Variants in IGF1R observed in about 807,000 individuals in gnomAD.
IGF1R encodes the protein insulin-like growth factor 1 receptor.
Under a neutral mutation model 144.6 loss-of-function variants are expected in IGF1R, and 44 were observed. The ratio of observed to expected loss-of-function variants is 0.30; its 90% CI spans 0.24 to 0.39. The LOEUF (loss-of-function observed/expected upper bound fraction) is 0.39. Ranked by LOEUF, IGF1R falls within the 10% of genes least tolerant of loss-of-function variation. The pLI is 1.00. For missense variants in IGF1R, 1,355 were observed against 1,833.7 expected, an observed-to-expected ratio of 0.74 and a Z score of 4.77; for synonymous variants, 795 against 722.8, an observed-to-expected ratio of 1.10 and a Z score of -1.60.
In IGF1R at chr15:98,960,842, A is replaced by G. The variant is rs913944691; in HGVS notation, c.*3400A>G. The G allele has an allele frequency of 4.4e-6, 1 of 225,434 alleles. No individual in the cohort carries two copies. Among genetic ancestry groups the G allele is most frequent in the African/African-American group, 2.2e-5 (1 of 44,968 alleles). The allele number at this position is 225,434 out of a possible 1,614,324, so 14.0% of individuals were successfully genotyped here. On this transcript the variant is annotated 3_prime_UTR_variant, in exon 21 of 21. Coordinates refer to ENST00000650285, the MANE Select transcript of IGF1R (RefSeq NM_000875.5). ...CTCACCTCCTTCCCTAGGGGTAGAC[A>G]GAGATGTACCAAACCTTCCGGCTGG... is the stretch of plus-strand genomic sequence containing the variant.
intron 3 of IGF1R, among the ~76,000 whole-genome samples, chr15:98,895,872 A>C (rs1199211636): frequency 6.6e-6 from 1 of 152,188 alleles, no homozygotes; most frequent in Non-Finnish European, 1.5e-5. Context: ...ACATCGCATA[A>C]GTTCGTATTA....
chr15:98,734,942 C>G (rs760137565), intron 2 of IGF1R, among the ~76,000 whole-genome samples: 2 of 152,172 alleles, frequency 1.3e-5, no homozygotes, highest in Non-Finnish European at 2.9e-5. Context: ...AGGACTCTAT[C>G]ACTCTACTTT....
chr15:98,897,379 C>T (rs2014252404), intron 4 of IGF1R: 1 of 180,306 alleles, frequency 5.5e-6, no homozygotes, highest in African/African-American at 2.4e-5. Flanking sequence ...TGCTAGATTT[C>T]CAAATTTACT....
At chr15:98,776,395 A>G (rs2141382319) in intron 2 of IGF1R, among the ~76,000 whole-genome samples, 1 of 152,212 alleles carries the variant, frequency 6.6e-6, no homozygotes, top group East Asian at 1.9e-4. Flanking sequence ...CATGTTGGCC[A>G]GACTGGTCTT....
At chr15:98,863,086 C>A (rs2012245858) in intron 2 of IGF1R, among the ~76,000 whole-genome samples, 3 of 152,164 alleles carry the variant, frequency 2.0e-5, no homozygotes, top group Admixed American at 6.5e-5. Flanking sequence ...GGGACGTTTT[C>A]CTGGGTTTTC....
chr15:98,726,913 G>A (rs2054375776), intron 2 of IGF1R, among the ~76,000 whole-genome samples: 1 of 151,674 alleles, frequency 6.6e-6, no homozygotes, highest in Non-Finnish European at 1.5e-5. Context: ...TAGAGATGGG[G>A]TTTCACCATG....
rs141930766 is a variant in IGF1R, at chr15:98,962,204, G to A, written c.*4762G>A. On this transcript the variant is annotated 3_prime_UTR_variant, in exon 21 of 21. Coordinates refer to ENST00000650285, the MANE Select transcript of IGF1R (RefSeq NM_000875.5). Reference sequence around the variant, plus strand: ...TTGGCTCCTTCCAGGGTGGCCAGACGGTGTTGGCCACTCCCTTCTAAAACA... The same window carrying A: ...TTGGCTCCTTCCAGGGTGGCCAGACAGTGTTGGCCACTCCCTTCTAAAACA... The A allele has an allele frequency of 1.2e-3, 273 of 233,342 alleles. No homozygotes were observed. Among genetic ancestry groups the A allele is most frequent in the African/African-American group, 5.8e-3 (262 of 45,476 alleles). The allele number at this position is 233,342 out of a possible 1,614,324, so 14.5% of individuals were successfully genotyped here. A position where few individuals can be genotyped will look rare whatever the true frequency, so the allele number is the denominator to read the frequency against.
Position 98,934,297 on chromosome 15 carries a change from C to G in IGF1R, c.2957-527C>G, listed in dbSNP as rs949758293. 3.9e-5 allele frequency among the ~76,000 whole-genome samples: 6 copies of G among 152,226 alleles called. No homozygotes were observed. In the South Asian group the frequency reaches 8.3e-4, roughly 21 times the overall value. On this transcript the variant is annotated intron_variant, in intron 15 of 20. Coordinates refer to ENST00000650285, the MANE Select transcript of IGF1R (RefSeq NM_000875.5). ...GATTCATCCAAGAAGTAGGACCTTA[C>G]GTGCACCATCATCACCTCTCATATG...
In IGF1R at chr15:98,899,544, C is replaced by T. The variant is rs1220556938; in HGVS notation, c.1170C>T (p.Ile390=). 2 of 1,614,122 alleles carry T rather than the reference C, an allele frequency of 1.2e-6. No individual in the cohort carries two copies. The highest frequency in any genetic ancestry group is 1.1e-5 in the South Asian group (1 of 91,080). ...AGGTGGTGACGGGCTACGTGAAGAT[C>T]CGCCATTCTCATGCCTTGGTCTCCT... ...LIEVVTGYVK[I]RHSHALVSLS... The change falls in exon 5 of 21, where the codon ATC becomes ATT. Residue 390 remains isoleucine (I), a synonymous_variant. Transcript: ENST00000650285.
Position 98,957,022 on chromosome 15 carries a change from C to G in IGF1R, c.3723-39C>G, listed in dbSNP as rs45492894. On this transcript the variant is annotated intron_variant, in intron 20 of 20. Coordinates refer to ENST00000650285, the MANE Select transcript of IGF1R (RefSeq NM_000875.5). ...ATGAAGCCTCCTGGCCATGTGCGCC[C>G]TCCCGGTTTGGACCCCCTCCCGTGT... is the stretch of plus-strand genomic sequence containing the variant. The G allele has an allele frequency of 7.3e-5, 118 of 1,613,284 alleles. 1 individual carries two copies. The South Asian group carries it at 1.2e-3, about 17-fold the overall frequency.
rs549222221 is a variant in IGF1R, at chr15:98,869,223, A to G, written c.641-22102A>G. 1.5e-3 allele frequency among the ~76,000 whole-genome samples: 227 copies of G among 152,166 alleles called. 1 individual carries two copies. Among genetic ancestry groups the G allele is most frequent in the Non-Finnish European group, 2.5e-3 (170 of 68,010 alleles). On this transcript the variant is annotated intron_variant, in intron 2 of 20. Coordinates refer to ENST00000650285, the MANE Select transcript of IGF1R (RefSeq NM_000875.5). ...ATCCGCCAGGAAACTCCCTTCTATT[A>G]TTGGACTTACTTGCTTTCCATTTAT...
chr15:98,908,350 C>T (rs1434989305), intron 5 of IGF1R, among the ~76,000 whole-genome samples: 1 of 152,144 alleles, frequency 6.6e-6, no homozygotes, highest in Non-Finnish European at 1.5e-5. Context: ...CTTTCAAGCA[C>T]GTTGTACATA....
At chr15:98,812,969 C>T (rs944066772) in intron 2 of IGF1R, among the ~76,000 whole-genome samples, 21 of 152,162 alleles carry the variant, frequency 1.4e-4, no homozygotes, top group African/African-American at 4.6e-4. Flanking sequence ...CTGTTCCAGT[C>T]TTCTATCGAA....
chr15:98,952,303 AACACACACACAC>A (rs143223923), intron 20 of IGF1R, among the ~76,000 whole-genome samples: 5 of 146,572 alleles, frequency 3.4e-5, no homozygotes, highest in Admixed American at 6.8e-5. Context: ...GTACCCCACC[AACACACACACAC>A]ACACACACAC....
chr15:98,652,865 T>C (rs1451614594), intron 1 of IGF1R, among the ~76,000 whole-genome samples: 1 of 152,072 alleles, frequency 6.6e-6, no homozygotes, highest in Non-Finnish European at 1.5e-5. Context: ...CTAAATATAC[T>C]TAAAACCATT....
intron 1 of IGF1R, among the ~76,000 whole-genome samples, chr15:98,663,926 A>G (rs994116995): frequency 2.0e-5 from 3 of 152,222 alleles, no homozygotes; most frequent in African/African-American, 7.2e-5. Context: ...ATGTTTGTAA[A>G]TTGACTGGAC....
intron 2 of IGF1R, among the ~76,000 whole-genome samples, chr15:98,845,800 AT>A (rs2011306675): frequency 6.6e-6 from 1 of 152,136 alleles, no homozygotes; most frequent in South Asian, 2.1e-4. Flanking sequence ...TCAAAGTAGT[AT>A]TTTTAAAAAC....
chr15:98,822,163 C>T (rs1027953656), intron 2 of IGF1R, among the ~76,000 whole-genome samples: 2 of 152,162 alleles, frequency 1.3e-5, no homozygotes, highest in African/African-American at 4.8e-5. Flanking sequence ...GAGCCACCCT[C>T]AAACAGTTAC....
chr15:98,904,612 T>C (rs556875526), intron 5 of IGF1R, among the ~76,000 whole-genome samples: 2 of 152,116 alleles, frequency 1.3e-5, no homozygotes, highest in African/African-American at 4.8e-5. Flanking sequence ...AATACTCTTA[T>C]CAGTTGCAGA....
Sources: gnomAD v4.1 joint callset for allele counts (sites outside exome capture counted in the v4.1 genomes callset) on GRCh38, gnomAD v4.1.1 for gene constraint, MANE v1.5 for transcripts, NCBI Gene and HGNC (gene_info 2026-07-23, HGNC 2026-07-21) for gene names.